The following ADGRE3 variants were observed in gnomAD, a reference collection of about 807,000 sequenced individuals.
ADGRE3 encodes the protein adhesion G protein-coupled receptor E3, also known as EGF-like module receptor 3.
Under a neutral mutation model 80.1 loss-of-function variants are expected in ADGRE3, and 88 were observed. The ratio of observed to expected loss-of-function variants is 1.10; its 90% CI spans 0.93 to 1.31. The LOEUF (loss-of-function observed/expected upper bound fraction) is 1.31. Among genes scored for constraint, ADGRE3 ranks in the 40% most tolerant of loss-of-function variants. The probability of loss-of-function intolerance (pLI) is 0.00; values close to 1 mark genes in which losing one functional copy is unlikely to be tolerated. For missense variants in ADGRE3, 715 were observed against 776.5 expected (o/e 0.92, Z 0.94); for synonymous variants, 281 against 294.8 (o/e 0.95, Z 0.48).
chr19:14,636,391 A>G (rs575770525), intron 11 of ADGRE3, among the ~76,000 whole-genome samples: 1 of 151,234 alleles, frequency 6.6e-6, no homozygotes, highest in East Asian at 2.0e-4. Flanking sequence ...TATTTTTAGT[A>G]GAGATGGGTT....
chr19:14,657,929 A>G (rs1971817642), intron 5 of ADGRE3, among the ~76,000 whole-genome samples: 1 of 151,786 alleles, frequency 6.6e-6, no homozygotes, highest in African/African-American at 2.4e-5. Flanking sequence ...ATACCTGGCT[A>G]ATTTTTGTAT....
At chr19:14,674,646 G>T in intron 1 of ADGRE3, 100 bp downstream of exon 1, 1 of 1,235,566 alleles carries the variant, frequency 8.1e-7, no homozygotes, top group South Asian at 1.3e-5. Context: ...AGAGTGTTCA[G>T]AGCAGAAGAA....
At chr19:14,657,697 C>T (rs1471454102) in intron 5 of ADGRE3, among the ~76,000 whole-genome samples, 4 of 151,580 alleles carry the variant, frequency 2.6e-5, no homozygotes, top group Non-Finnish European at 5.9e-5. Context: ...TCAGTCCTTC[C>T]TCTTTGTGAG....
intron 8 of ADGRE3, 42 bp from the exon 9 acceptor site, chr19:14,644,317 C>T: frequency 7.5e-7 from 1 of 1,327,340 alleles, no homozygotes. Context: ...CTTTGTCTTT[C>T]TTTCTTTCTT....
chr19:14,638,384 A>T lies in ADGRE3; in HGVS notation c.1249-44T>A, dbSNP rs527911397. 35 of 1,474,594 alleles carry T rather than the reference A, an allele frequency of 2.4e-5. No individual in the cohort carries two copies. In the African/African-American group the frequency reaches 4.6e-4, roughly 19 times the overall value. 91.3% of individuals were successfully genotyped at this position (1,474,594 alleles called of 1,614,324 possible). A position where few individuals can be genotyped will look rare whatever the true frequency, so the allele number is the denominator to read the frequency against. On this transcript the variant is annotated intron_variant, in intron 10 of 15. Transcript: ENST00000253673. Reference sequence around the variant, plus strand: ...ATGCCTGAAGGGGTTGTCAGGGTGGAGTATGGCCCTAGGACCTCTCCTTGA... The same window carrying T: ...ATGCCTGAAGGGGTTGTCAGGGTGGTGTATGGCCCTAGGACCTCTCCTTGA...
intron 10 of ADGRE3, among the ~76,000 whole-genome samples, chr19:14,638,837 C>T (rs1035595041): frequency 1.3e-5 from 2 of 152,144 alleles, no homozygotes; most frequent in Non-Finnish European, 2.9e-5. Context: ...TCTACTCCTA[C>T]TGTATTGCGT....
chr19:14,602,698 T>C, the ADGRE3 span, among the ~76,000 whole-genome samples: 1 of 152,120 alleles, frequency 6.6e-6, no homozygotes, highest in African/African-American at 2.4e-5. Context: ...TTCTGTTTTT[T>C]ATCCCTCTGT....
chr19:14,613,169 G>A, the ADGRE3 span, among the ~76,000 whole-genome samples: 30 of 150,970 alleles, frequency 2.0e-4, no homozygotes, highest in Non-Finnish European at 2.5e-4. Context: ...CAAGTGATCC[G>A]CCCACCTCAG....
At chr19:14,638,544 G>A (rs1316932306) in intron 10 of ADGRE3, among the ~76,000 whole-genome samples, 7 of 152,020 alleles carry the variant, frequency 4.6e-5, no homozygotes, top group Non-Finnish European at 8.8e-5. Flanking sequence ...GAGCCCAGGA[G>A]TTTGAGACCA....
chr19:14,641,639 A>G (rs1264775182), intron 9 of ADGRE3, 23 bp from the exon 10 acceptor site: 1 of 1,612,346 alleles, frequency 6.2e-7, no homozygotes, highest in Non-Finnish European at 8.5e-7. Context: ...AAAAAAGTTC[A>G]CAGTGATGCT....
At chr19:14,662,176 C>T in intron 3 of ADGRE3, 58 bp from the exon 4 acceptor site, 1 of 1,557,384 alleles carries the variant, frequency 6.4e-7, no homozygotes, top group Non-Finnish European at 8.8e-7. Context: ...TGAGCAGCTA[C>T]TATGTGTCAG....
At chr19:14,615,878 G>A (rs1268382191), downstream of ADGRE3, among the ~76,000 whole-genome samples, 2 of 151,780 alleles carry the variant, frequency 1.3e-5, no homozygotes, top group Non-Finnish European at 2.9e-5. Flanking sequence ...TCCCGCCTTC[G>A]CCTCCAGAGT....
rs1378254264 is a variant in ADGRE3, at chr19:14,655,030, A to T, written c.529T>A (p.Leu177Met). 4 of 1,614,058 alleles carry T rather than the reference A, an allele frequency of 2.5e-6. No individual in the cohort carries two copies. The highest frequency in any genetic ancestry group is 3.4e-6 in the Non-Finnish European group (4 of 1,179,994). The change falls in exon 6 of 16, where the codon TTG (leucine) becomes ATG (methionine). Residue 177 changes from leucine (L) to methionine (M), a missense_variant. Physicochemically the swap from Leu to Met is conservative, Grantham distance 15. Coordinates refer to ENST00000253673, the MANE Select transcript of ADGRE3 (RefSeq NM_032571.5). ...AGGACTTTTTGTTCTGGATCTTTCA[A>T]GGCAGTTTCTAGAACTTTCGATTCC... is the stretch of plus-strand genomic sequence containing the variant. ...DVESKVLETA[L>M]KDPEQKVLKI...
chr19:14,619,186 C>T lies in ADGRE3; in HGVS notation c.*247G>A. On this transcript the variant is annotated 3_prime_UTR_variant, in exon 16 of 16. Coordinates refer to ENST00000253673, the MANE Select transcript of ADGRE3 (RefSeq NM_032571.5). ...TTACAAAAAGTCAAGGAAATATTTG[C>T]AGTGGTCATGCTTTGGGTTTCCAGG... 2.1e-6 allele frequency: 1 copy of T among 481,646 alleles called. No individual in the cohort carries two copies. The highest frequency in any genetic ancestry group is 3.7e-6 in the Non-Finnish European group (1 of 272,928). 29.8% of individuals were successfully genotyped at this position (481,646 alleles called of 1,614,324 possible).
In ADGRE3 at chr19:14,641,440, C is replaced by T. The variant is rs767747649; in HGVS notation, c.1227G>A (p.Gly409=). 19 of 1,613,966 alleles carry T rather than the reference C, an allele frequency of 1.2e-5. No individual in the cohort carries two copies. Among genetic ancestry groups the T allele is most frequent in the Non-Finnish European group, 1.6e-5 (19 of 1,180,036 alleles). Residue 409 remains glycine, a synonymous_variant, in exon 10 of 16, where the codon GGG becomes GGA. Transcript: ENST00000253673. ...GTACCTTGGGTTCAGTTCGATCAATCCCCACGAGGAAGAGGAGGTGGGCCA... is the reference window on the plus strand; with the variant it reads ...GTACCTTGGGTTCAGTTCGATCAATTCCCACGAGGAAGAGGAGGTGGGCCA... ...LFLAHLLFLV[G]IDRTEPKVLC...
intron 11 of ADGRE3, among the ~76,000 whole-genome samples, chr19:14,635,706 C>T (rs1045482480): frequency 9.2e-5 from 14 of 152,208 alleles, no homozygotes; most frequent in African/African-American, 3.4e-4. Context: ...AGTCACTGCG[C>T]CCAGCTTTTC....
chr19:14,612,957 G>C, the ADGRE3 span, among the ~76,000 whole-genome samples: 1 of 149,704 alleles, frequency 6.7e-6, no homozygotes, highest in African/African-American at 2.5e-5. Context: ...ACAGAGTCTT[G>C]CTCTGTTGCC....
intron 1 of ADGRE3, among the ~76,000 whole-genome samples, chr19:14,673,874 T>C (rs773534411): frequency 9.9e-5 from 15 of 152,188 alleles, no homozygotes; most frequent in Non-Finnish European, 1.5e-4. Context: ...TATTTTCCAC[T>C]GTCCTTCTAC....
At chr19:14,649,564 A>C (rs1468313408) in intron 7 of ADGRE3, among the ~76,000 whole-genome samples, 27 of 103,070 alleles carry the variant, frequency 2.6e-4, no homozygotes, top group African/African-American at 3.9e-4. Flanking sequence ...CTCTCTTTCC[A>C]TCTCTCTCCA....
Sources: allele counts gnomAD v4.1 joint callset (sites outside exome capture counted in the v4.1 genomes callset), GRCh38; gene constraint gnomAD v4.1.1; transcripts MANE v1.5; gene names NCBI Gene and HGNC (gene_info 2026-07-23, HGNC 2026-07-21).